TOR1A: variants seen among roughly 807,000 people sequenced by gnomAD.
TOR1A encodes torsin-1A.
In TOR1A, 18 loss-of-function variants were observed where a neutral mutation model predicts 31.4. That is an observed-to-expected ratio of 0.57 (90% CI 0.40 to 0.85). TOR1A has a LOEUF of 0.85. TOR1A is among the 40% of genes least tolerant of loss of function. The probability of loss-of-function intolerance (pLI) is 0.00; values close to 1 mark genes in which losing one functional copy is unlikely to be tolerated. For synonymous variants in TOR1A, 168 were observed against 165.9 expected (o/e 1.01, Z -0.10); for missense variants, 375 against 416.4 (o/e 0.90, Z 0.87).
At chr9:129,817,178 T>C (rs2031060672) in intron 4 of TOR1A, among the ~76,000 whole-genome samples, 1 of 152,148 alleles carries the variant, frequency 6.6e-6, no homozygotes, top group Non-Finnish European at 1.5e-5. Context: ...TGAGTCTCAG[T>C]CTCTACCCTG....
chr9:129,816,467 C>G (rs76349464), intron 4 of TOR1A, among the ~76,000 whole-genome samples: 7,212 of 152,252 alleles, frequency 0.047, 577 homozygotes, highest in African/African-American at 0.16. Flanking sequence ...CATATCTATC[C>G]CCCATCATCT....
intron 1 of TOR1A, among the ~76,000 whole-genome samples, chr9:129,823,065 TCCTTCCCGAAAAGC>T (rs2031228662): frequency 6.6e-6 from 1 of 152,074 alleles, no homozygotes; most frequent in African/African-American, 2.4e-5. Flanking sequence ...CTGGCCCGAC[TCCTTCCCGAAAAGC>T]CCCTTGGTGC....
intron 2 of TOR1A, 60 bp from the exon 3 acceptor site, chr9:129,818,980 CTTCTACCACTAA>C: frequency 6.3e-7 from 1 of 1,578,316 alleles, no homozygotes; most frequent in African/African-American, 1.3e-5. Context: ...CAATCAGCTC[CTTCTACCACTAA>C]GAACCGCAGC....
chr9:129,822,295 G>A (rs2031202293), intron 2 of TOR1A: 1 of 463,824 alleles, frequency 2.2e-6, no homozygotes. Flanking sequence ...AAAAATGAGT[G>A]AGATGTGTTG....
At position 129,822,610 on chromosome 9, in the gene TOR1A, G is replaced by C. The variant is rs1329808290; in HGVS notation, c.415C>G (p.Pro139Ala). 1.2e-6 allele frequency: 2 copies of C among 1,614,186 alleles called. No individual in the cohort carries two copies. The highest frequency in any genetic ancestry group is 1.7e-5 in the Admixed American group (1 of 60,020). Reference sequence around the variant, plus strand: ...TACAAGGTGATGTTTGAAGCATGTGGAAAGTGCAATGTGGCCACAAACAGG... The same window carrying C: ...TACAAGGTGATGTTTGAAGCATGTGCAAAGTGCAATGTGGCCACAAACAGG... Reference protein sequence around the residue: ...VHLFVATLHFPHASNITLYKD... With the variant: ...VHLFVATLHFAHASNITLYKD... Residue 139 changes from proline to alanine, a missense_variant, in exon 2 of 5, where the codon CCA becomes GCA. Transcript: ENST00000351698.
chr9:129,814,057 G>A lies in TOR1A; in HGVS notation c.914C>T (p.Thr305Ile). 3 of 1,614,154 alleles carry A rather than the reference G, an allele frequency of 1.9e-6. No individual in the cohort carries two copies. The highest frequency in any genetic ancestry group is 2.2e-5 in the East Asian group (1 of 44,880). The change falls in exon 5 of 5, where the codon ACA (threonine) becomes ATA (isoleucine). Residue 305 changes from threonine (T) to isoleucine (I), a missense_variant. Transcript: ENST00000351698. ...DIVSRVAEEM[T>I]FFPKEERVFS... ...AACTCTCTCCTCTTTGGGGAAAAATGTCATCTCCTCAGCCACTCTGCTTAC... is the reference window on the plus strand; with the variant it reads ...AACTCTCTCCTCTTTGGGGAAAAATATCATCTCCTCAGCCACTCTGCTTAC...
chr9:129,823,725 C>G (rs1588219022), intron 1 of TOR1A, 183 bp downstream of exon 1: 1 of 449,944 alleles, frequency 2.2e-6, no homozygotes, highest in Non-Finnish European at 3.8e-6. Context: ...AGCCCCAACC[C>G]GGCCCTAGTG....
At chr9:129,823,821 T>G in intron 1 of TOR1A, 87 bp downstream of exon 1, 1 of 1,353,898 alleles carries the variant, frequency 7.4e-7, no homozygotes, top group Non-Finnish European at 9.8e-7. Flanking sequence ...CCATCCTCCA[T>G]TCTCCATGCC....
chr9:129,817,119 T>A (rs1481602959), intron 4 of TOR1A, among the ~76,000 whole-genome samples: 1 of 152,194 alleles, frequency 6.6e-6, no homozygotes, highest in Non-Finnish European at 1.5e-5. Flanking sequence ...GGTTTTAGAA[T>A]CAGAGATACC....
chr9:129,817,373 T>G (rs2131003607), intron 4 of TOR1A, among the ~76,000 whole-genome samples: 1 of 152,320 alleles, frequency 6.6e-6, no homozygotes, highest in South Asian at 2.1e-4. Context: ...CCACTGGCTC[T>G]TTCTTCTACA....
chr9:129,813,964 C>T lies in TOR1A; in HGVS notation c.*8G>A, dbSNP rs774069254. 6 of 1,613,738 alleles carry T rather than the reference C, an allele frequency of 3.7e-6. No individual in the cohort carries two copies. The highest frequency in any genetic ancestry group is 1.6e-4 in the Middle Eastern group (1 of 6,084). ...CCAGGCAGTGACTCCGGCTGCCAAT[C>T]ATGACTGTCAATCATCGTAGTAATA... is the stretch of plus-strand genomic sequence containing the variant. On this transcript the variant is annotated 3_prime_UTR_variant, in exon 5 of 5. Coordinates refer to ENST00000351698, the MANE Select transcript of TOR1A (RefSeq NM_000113.3).
At chr9:129,822,888 G>T (rs754814561) in intron 1 of TOR1A, 42 bp from the exon 2 acceptor site, 3 of 1,613,846 alleles carry the variant, frequency 1.9e-6, no homozygotes, top group Non-Finnish European at 2.5e-6. Flanking sequence ...AAGAAACAGC[G>T]GCAAAATGTA....
In TOR1A at chr9:129,818,622, C is replaced by G. The variant is rs1801968; in HGVS notation, c.646G>C (p.Asp216His). 0.13 allele frequency: 214,600 copies of G among 1,614,148 alleles called. 15,266 individuals are homozygous for G. Among genetic ancestry groups the G allele is most frequent in the South Asian group, 0.15 (13,641 of 91,088 alleles). The change falls in exon 4 of 5, where the codon GAT (aspartate) becomes CAT (histidine). Residue 216 changes from aspartate to histidine, a missense_variant. By Grantham distance (81) the Asp-to-His change is moderately conservative (BLOSUM62 -1). Transcript: ENST00000351698. ...CTCCTCCAGAAATCCAAAGCCACAT[C>G]TGTGATCCTTTCTGCTCCAGCATTG... ...LSNAGAERIT[D>H]VALDFWRSGK...
intron 4 of TOR1A, among the ~76,000 whole-genome samples, chr9:129,814,815 G>A (rs905691230): frequency 3.7e-4 from 57 of 152,158 alleles, no homozygotes; most frequent in Middle Eastern, 3.4e-3. Context: ...GGAACTTTTT[G>A]ACTCTCCCTG....
At chr9:129,817,439 G>A (rs2031067420) in intron 4 of TOR1A, among the ~76,000 whole-genome samples, 1 of 152,140 alleles carries the variant, frequency 6.6e-6, no homozygotes, top group Non-Finnish European at 1.5e-5. Flanking sequence ...GGTGGCTCAC[G>A]CCTGTAATCC....
At position 129,813,848 on chromosome 9, in the gene TOR1A, A is replaced by G. The variant is rs2030960104; in HGVS notation, c.*124T>C. 4 of 1,428,938 alleles carry G rather than the reference A, an allele frequency of 2.8e-6. No individual in the cohort carries two copies. The South Asian group carries it at 3.5e-5, about 13-fold the overall frequency. 88.5% of individuals were successfully genotyped at this position (1,428,938 alleles called of 1,614,324 possible). A position where few individuals can be genotyped will look rare whatever the true frequency, so the allele number is the denominator to read the frequency against. On this transcript the variant is annotated 3_prime_UTR_variant, in exon 5 of 5. Transcript: ENST00000351698. ...CAATGCCAGGGAGAATTCCTGTCAC[A>G]TCAAACAGGAACATTCACTGGATTC...
chr9:129,819,876 TCACCCCACTG>T (rs1343942629), intron 2 of TOR1A, among the ~76,000 whole-genome samples: 2 of 143,072 alleles, frequency 1.4e-5, no homozygotes, highest in African/African-American at 5.3e-5. Context: ...TGAGCTAAGA[TCACCCCACTG>T]CACTCCAGCA....
chr9:129,816,846 C>T (rs560313721), intron 4 of TOR1A, among the ~76,000 whole-genome samples: 249 of 152,322 alleles, frequency 1.6e-3, no homozygotes, highest in African/African-American at 5.8e-3. Context: ...CAGTAGTATT[C>T]CACTTGCACA....
chr9:129,816,598 C>T (rs1338965934), intron 4 of TOR1A, among the ~76,000 whole-genome samples: 1 of 152,178 alleles, frequency 6.6e-6, no homozygotes, highest in Non-Finnish European at 1.5e-5. Context: ...CCAGATGCTC[C>T]ATATACATGT....
Sources: allele counts gnomAD v4.1 joint callset (sites outside exome capture counted in the v4.1 genomes callset), GRCh38; gene constraint gnomAD v4.1.1; transcripts MANE v1.5; gene names NCBI Gene and HGNC (gene_info 2026-07-23, HGNC 2026-07-21).